The following CCDC63 variants were observed in gnomAD, a reference collection of about 807,000 sequenced individuals.
CCDC63 encodes the protein coiled-coil domain-containing protein 63.
A neutral mutation model predicts 63.6 loss-of-function variants in CCDC63; 54 were observed. The observed-to-expected ratio is 0.85, with a 90% CI of 0.68 to 1.07. CCDC63 has a LOEUF of 1.07. CCDC63 is among the 50% of genes least tolerant of loss of function. CCDC63 has a pLI of 0.00. For missense variants in CCDC63, 637 were observed against 689.6 expected, an observed-to-expected ratio of 0.92 and a Z score of 0.86; for synonymous variants, 253 against 266.1, an observed-to-expected ratio of 0.95 and a Z score of 0.48.
At chr12:110,885,048 C>T (rs1451601572) in intron 8 of CCDC63, among the ~76,000 whole-genome samples, 1 of 151,866 alleles carries the variant, frequency 6.6e-6, no homozygotes, top group African/African-American at 2.4e-5. Context: ...TTCATGTCCC[C>T]CAACCCAATA....
chr12:110,886,322 G>T (rs1182638302), intron 8 of CCDC63, among the ~76,000 whole-genome samples: 1 of 152,064 alleles, frequency 6.6e-6, no homozygotes, highest in East Asian at 1.9e-4. Flanking sequence ...GGAGGTGGAG[G>T]TTGCAGTGAG....
At chr12:110,898,228 G>A (rs1592787146) in intron 9 of CCDC63, among the ~76,000 whole-genome samples, 1 of 152,112 alleles carries the variant, frequency 6.6e-6, no homozygotes, top group Middle Eastern at 3.4e-3. Flanking sequence ...GCTGCAGTGA[G>A]CCGAGATTGG....
chr12:110,897,983 T>A (rs1346409816), intron 9 of CCDC63, among the ~76,000 whole-genome samples: 2 of 152,060 alleles, frequency 1.3e-5, no homozygotes, highest in Non-Finnish European at 2.9e-5. Context: ...CACCATTTTT[T>A]AAAAAATGAG....
intron 4 of CCDC63, among the ~76,000 whole-genome samples, chr12:110,866,987 G>A (rs1593654642): frequency 2.3e-5 from 3 of 133,156 alleles, no homozygotes; most frequent in African/African-American, 5.6e-5. Flanking sequence ...GCGGCTGGCC[G>A]GGCGGGGGGC....
chr12:110,891,516 A>G (rs2071356195), intron 8 of CCDC63, among the ~76,000 whole-genome samples: 1 of 149,202 alleles, frequency 6.7e-6, no homozygotes, highest in African/African-American at 2.5e-5. Context: ...TTAGTCAGGC[A>G]TGTGCCTGTG....
At chr12:110,867,520 CG>C (rs2070981804) in intron 4 of CCDC63, among the ~76,000 whole-genome samples, 1 of 103,998 alleles carries the variant, frequency 9.6e-6, no homozygotes, top group Non-Finnish European at 2.0e-5. Context: ...GCTGGCCGGG[CG>C]GGGGGCTGAC....
chr12:110,885,164 A>C (rs531658728), intron 8 of CCDC63, among the ~76,000 whole-genome samples: 1 of 151,116 alleles, frequency 6.6e-6, no homozygotes, highest in Non-Finnish European at 1.5e-5. Flanking sequence ...TTACATTTTT[A>C]AAGGATTGTA....
chr12:110,904,624 T>A lies in CCDC63; in HGVS notation c.1379T>A (p.Leu460Ter). ...AAGAAGACCAACGACCTGCTGCTGT[T>A]GGAGACCTACAGGCGCATCCTGGAA... Reference protein sequence around the residue: ...IEKKTNDLLLLETYRRILEVE... With the variant: ...IEKKTNDLLL The change falls in exon 11 of 12, where the codon TTG becomes TAG. Residue 460 changes from leucine to a stop codon, truncating the protein, a stop_gained. Coordinates refer to ENST00000308208, the MANE Select transcript of CCDC63 (RefSeq NM_152591.3). LOFTEE classifies it high-confidence loss of function. The A allele has an allele frequency of 6.2e-7, 1 of 1,614,108 alleles. No individual in the cohort carries two copies. The highest frequency in any genetic ancestry group is 8.5e-7 in the Non-Finnish European group (1 of 1,179,992).
intron 8 of CCDC63, 118 bp from the exon 9 acceptor site, chr12:110,892,958 G>A: frequency 1.3e-6 from 1 of 763,102 alleles, no homozygotes; most frequent in Non-Finnish European, 2.2e-6. Context: ...GGTGTTTGGG[G>A]CTCTTTGAAA....
At chr12:110,883,613 TTTGTTTGTTTGTTTTTTGTTTGC>T (rs1201259316) in intron 7 of CCDC63, among the ~76,000 whole-genome samples, 5 of 149,568 alleles carry the variant, frequency 3.3e-5, no homozygotes, top group Non-Finnish European at 7.4e-5. Flanking sequence ...TATTTTTTTG[TTTGTTTGTTTGTTTTTTGTTTGC>T]TTGTTTGTTT....
rs560102236 is a variant in CCDC63, at chr12:110,856,376, G to A, written c.180-2210G>A. Reference sequence around the variant, plus strand: ...GCTGGGATTACAGGCATGAGCCACGGCACCCTGAAAACCTAACTCTTGTAG... The same window carrying A: ...GCTGGGATTACAGGCATGAGCCACGACACCCTGAAAACCTAACTCTTGTAG... On this transcript the variant is annotated intron_variant, in intron 3 of 11. Coordinates refer to ENST00000308208, the MANE Select transcript of CCDC63 (RefSeq NM_152591.3). Among the ~76,000 whole-genome samples, 7 of 151,994 alleles carry A rather than the reference G, an allele frequency of 4.6e-5. No individual in the cohort carries two copies. The East Asian group carries it at 1.4e-3, about 29-fold the overall frequency.
At chr12:110,880,326 G>A (rs983573633) in intron 6 of CCDC63, among the ~76,000 whole-genome samples, 1 of 152,210 alleles carries the variant, frequency 6.6e-6, no homozygotes, top group African/African-American at 2.4e-5. Context: ...AGACTGGAAT[G>A]TGCAGGCTTA....
At chr12:110,844,704 A>G (rs2070620578), upstream of CCDC63, among the ~76,000 whole-genome samples, 1 of 152,152 alleles carries the variant, frequency 6.6e-6, no homozygotes, top group Non-Finnish European at 1.5e-5. Context: ...ATGGAGATCT[A>G]CCTTGGAGGT....
intron 8 of CCDC63, among the ~76,000 whole-genome samples, chr12:110,888,605 A>G (rs2071314381): frequency 6.6e-6 from 1 of 152,170 alleles, no homozygotes; most frequent in South Asian, 2.1e-4. Flanking sequence ...CTGATTTCCA[A>G]TGGTAAGACT....
chr12:110,854,476 G>A (rs186839942), intron 3 of CCDC63, among the ~76,000 whole-genome samples: 100 of 151,840 alleles, frequency 6.6e-4, no homozygotes, highest in Non-Finnish European at 1.1e-3. Flanking sequence ...TGTATTTTTA[G>A]TAGAGGCAAG....
intron 10 of CCDC63, 132 bp downstream of exon 10, chr12:110,899,257 T>G (rs1327501119): frequency 1.3e-6 from 1 of 746,810 alleles, no homozygotes; most frequent in Non-Finnish European, 2.1e-6. Context: ...CCAGCCTGCC[T>G]GGGTTTGAAT....
At position 110,884,030 on chromosome 12, in the gene CCDC63, C is replaced by T; in HGVS notation, c.854C>T (p.Ala285Val). The T allele has an allele frequency of 6.2e-7, 1 of 1,613,032 alleles. No individual in the cohort carries two copies. The highest frequency in any genetic ancestry group is 1.1e-5 in the South Asian group (1 of 91,052). ...CAGTGGCTGATTTTTCCTTTCCTAG[C>T]TCTCAAGGCAAAGAAGCATGTCAAG... is the stretch of plus-strand genomic sequence containing the variant. ...EFEEQAKREE[A>V]LKAKKHVKKN... Residue 285 changes from alanine (A) to valine (V), a missense_variant and splice_region_variant, in exon 8 of 12, where the codon GCT becomes GTT. Coordinates refer to ENST00000308208, the MANE Select transcript of CCDC63 (RefSeq NM_152591.3).
chr12:110,881,327 C>G (rs769035598), intron 7 of CCDC63, 31 bp downstream of exon 7: 2 of 1,595,012 alleles, frequency 1.3e-6, no homozygotes, highest in South Asian at 2.3e-5. Context: ...CTTGTGCTCT[C>G]TCACTCTCTT....
rs145243358 is a variant in CCDC63 at position 110,903,535 on chromosome 12, G to A, written c.1343-1053G>A. ...GGCAAGGGCTGTATTTTTGTTGTTA[G>A]TGTTGTCATTGTTTTGTTTTTCCTC... On this transcript the variant is annotated intron_variant, in intron 10 of 11. Transcript: ENST00000308208. Among the ~76,000 whole-genome samples, 237 of 152,316 alleles carry A rather than the reference G, an allele frequency of 1.6e-3. 1 individual carries two copies. Among genetic ancestry groups the A allele is most frequent in the Non-Finnish European group, 2.6e-3 (177 of 68,018 alleles).
Sources: gnomAD v4.1 joint callset for allele counts (sites outside exome capture counted in the v4.1 genomes callset) on GRCh38, gnomAD v4.1.1 for gene constraint, MANE v1.5 for transcripts, NCBI Gene and HGNC (gene_info 2026-07-23, HGNC 2026-07-21) for gene names.